The following PALLD variants were observed in gnomAD, a reference collection of about 807,000 sequenced individuals.
PALLD encodes palladin, cytoskeletal associated protein.
PALLD carries 61 observed loss-of-function variants against 123.5 expected under a neutral mutation model. That is an observed-to-expected ratio of 0.49 (90% confidence interval 0.40 to 0.61). The LOEUF is 0.61. PALLD is among the 20% of genes least tolerant of loss of function. The pLI, the probability that PALLD is intolerant of heterozygous loss-of-function variation, is 0.00. For missense variants in PALLD, 1,273 were observed against 1,377.0 expected (o/e 0.92, Z 1.20); for synonymous variants, 465 against 496.4 (o/e 0.94, Z 0.84).
chr4:168,669,249 A>G (rs1227819130), intron 3 of PALLD, among the ~76,000 whole-genome samples: 1 of 152,156 alleles, frequency 6.6e-6, no homozygotes, highest in Admixed American at 6.5e-5. Context: ...TAGCTCCTTC[A>G]AGAACTGGCC....
intron 10 of PALLD, among the ~76,000 whole-genome samples, chr4:168,830,905 A>T (rs1581677854): frequency 1.3e-5 from 2 of 152,232 alleles, no homozygotes; most frequent in Non-Finnish European, 2.9e-5. Flanking sequence ...GTTAGCATTT[A>T]TTGGCAGTTA....
chr4:168,497,891 G>A (rs1760920057), intron 1 of PALLD, among the ~76,000 whole-genome samples: 1 of 152,118 alleles, frequency 6.6e-6, no homozygotes, highest in African/African-American at 2.4e-5. Context: ...CAATATAGGA[G>A]GTTGACATAA....
chr4:168,906,930 T>C (rs1214648649), intron 15 of PALLD, among the ~76,000 whole-genome samples: 2 of 152,140 alleles, frequency 1.3e-5, no homozygotes, highest in Admixed American at 6.5e-5. Context: ...ACCAAGATTG[T>C]AGGGCAACAC....
intron 2 of PALLD, among the ~76,000 whole-genome samples, chr4:168,638,150 A>G (rs937409087): frequency 2.6e-4 from 40 of 152,218 alleles, no homozygotes; most frequent in African/African-American, 9.4e-4. Flanking sequence ...CTCACTTACT[A>G]TGTGTCAAGC....
intron 10 of PALLD, among the ~76,000 whole-genome samples, chr4:168,827,734 A>T (rs960116417): frequency 5.9e-5 from 9 of 152,230 alleles, no homozygotes; most frequent in Non-Finnish European, 1.0e-4. Flanking sequence ...GTAAGAGCTA[A>T]ATCAAGTTTT....
At chr4:168,850,351 T>C (rs1747558481) in intron 10 of PALLD, among the ~76,000 whole-genome samples, 1 of 151,884 alleles carries the variant, frequency 6.6e-6, no homozygotes, top group South Asian at 2.1e-4. Context: ...AATGGTTTGT[T>C]TTTAATATGG....
intron 14 of PALLD, among the ~76,000 whole-genome samples, chr4:168,899,531 GTAA>G (rs1419835561): frequency 1.7e-4 from 26 of 152,314 alleles, no homozygotes; most frequent in African/African-American, 6.0e-4. Context: ...TTATATAAAG[GTAA>G]TAATATGTGA....
chr4:168,538,398 T>TAGGA (rs1765288902), intron 2 of PALLD, among the ~76,000 whole-genome samples: 2 of 151,828 alleles, frequency 1.3e-5, no homozygotes, highest in Non-Finnish European at 2.9e-5. Context: ...TTAATATAAT[T>TAGGA]CCTACAGTCA....
chr4:168,679,991 C>T (rs991688579), intron 3 of PALLD, among the ~76,000 whole-genome samples: 5 of 151,888 alleles, frequency 3.3e-5, no homozygotes, highest in Non-Finnish European at 5.9e-5. Flanking sequence ...TTTTCAATGT[C>T]AATAAAAGAC....
At chr4:168,757,523 G>T (rs1428391973) in intron 10 of PALLD, among the ~76,000 whole-genome samples, 1 of 152,204 alleles carries the variant, frequency 6.6e-6, no homozygotes, top group Non-Finnish European at 1.5e-5. Context: ...TCATTTATTA[G>T]TTTACTTGTA....
chr4:168,546,240 A>T (rs1285381198), intron 2 of PALLD, among the ~76,000 whole-genome samples: 1 of 152,122 alleles, frequency 6.6e-6, no homozygotes, highest in Non-Finnish European at 1.5e-5. Context: ...GAGTGAGAGC[A>T]GTCAGCAAGA....
chr4:168,590,866 T>TTC, intron 2 of PALLD, among the ~76,000 whole-genome samples: 2 of 2,920 alleles, frequency 6.8e-4, no homozygotes, highest in Non-Finnish European at 5.2e-4. Context: ...CCTAGAAAGT[T>TTC]TTTTTTTTTT....
At chr4:168,594,681 A>T (rs1396164321) in intron 2 of PALLD, among the ~76,000 whole-genome samples, 1 of 152,154 alleles carries the variant, frequency 6.6e-6, no homozygotes, top group African/African-American at 2.4e-5. Flanking sequence ...CATCTCAAAG[A>T]TATTATATAC....
At chr4:168,587,670 C>CCT (rs1326566491) in intron 2 of PALLD, among the ~76,000 whole-genome samples, 1 of 152,090 alleles carries the variant, frequency 6.6e-6, no homozygotes, top group Non-Finnish European at 1.5e-5. Context: ...CCCTATTCTA[C>CCT]CTCTCCCCTG....
At chr4:168,642,493 C>T (rs1223862620) in intron 2 of PALLD, among the ~76,000 whole-genome samples, 1 of 152,154 alleles carries the variant, frequency 6.6e-6, no homozygotes, top group African/African-American at 2.4e-5. Flanking sequence ...TCTCTGCCTC[C>T]TGGGTTCAAG....
chr4:168,797,564 A>G (rs1408008061), intron 10 of PALLD, among the ~76,000 whole-genome samples: 1 of 152,148 alleles, frequency 6.6e-6, no homozygotes, highest in African/African-American at 2.4e-5. Flanking sequence ...AAGAAACTAG[A>G]TTTGTGAGAA....
rs1228622778 is a variant in PALLD, at chr4:168,844,196, CTAAA to C, written c.1965-46722_1965-46719del. ...ATTTGGGTGCAATTTTTCTAGAAGA[CTAAA>C]TAACCTGTAAAAGATTAAAAACCAT... On this transcript the variant is annotated intron_variant, in intron 10 of 21. Coordinates refer to ENST00000505667, the MANE Select transcript of PALLD (RefSeq NM_001166108.2). The surrounding 1 kb of genome is among the most constrained non-coding windows in gnomAD (Gnocchi z 4.5). The C allele has an allele frequency of 2.6e-5, 4 of 152,166 alleles. No individual in the cohort carries two copies. The highest frequency in any genetic ancestry group is 6.5e-5 in the Admixed American group (1 of 15,274). 9.4% of individuals were successfully genotyped at this position (152,166 alleles called of 1,614,324 possible).
At chr4:168,741,506 C>A (rs1172128033) in intron 10 of PALLD, among the ~76,000 whole-genome samples, 1 of 151,848 alleles carries the variant, frequency 6.6e-6, no homozygotes, top group Non-Finnish European at 1.5e-5. Flanking sequence ...AGCAAGACGT[C>A]AAGACCATGG....
At chr4:168,631,590 C>T in intron 2 of PALLD, 1 of 985,412 alleles carries the variant, frequency 1.0e-6, no homozygotes, top group Non-Finnish European at 1.2e-6. Context: ...ACTCCGCGCA[C>T]ACGCGCCCCT....
Sources: allele counts gnomAD v4.1 joint callset (sites outside exome capture counted in the v4.1 genomes callset), GRCh38; gene constraint gnomAD v4.1.1; non-coding constraint Gnocchi (gnomAD v3.1); transcripts MANE v1.5; gene names NCBI Gene and HGNC (gene_info 2026-07-23, HGNC 2026-07-21).